SI: variants seen among roughly 807,000 people sequenced by gnomAD.
SI encodes the protein sucrase-isomaltase, intestinal.
A neutral mutation model predicts 253.3 loss-of-function variants in SI; 235 were observed. The observed-to-expected ratio is 0.93, with a 90% CI of 0.83 to 1.03. The LOEUF (loss-of-function observed/expected upper bound fraction) is 1.03, where lower values mean the gene tolerates loss of function less well. SI is among the 50% of genes least tolerant of loss of function. The probability of loss-of-function intolerance (pLI) is 0.00; values close to 1 mark genes in which losing one functional copy is unlikely to be tolerated. For missense variants in SI, 2,442 were observed against 2,211.1 expected, an observed-to-expected ratio of 1.10 and a Z score of -2.09; for synonymous variants, 819 against 712.0, an observed-to-expected ratio of 1.15 and a Z score of -2.39.
At chr3:164,998,156 T>C (rs1718101689) in intron 38 of SI, among the ~76,000 whole-genome samples, 1 of 151,848 alleles carries the variant, frequency 6.6e-6, no homozygotes, top group Non-Finnish European at 1.5e-5. Flanking sequence ...ACAGTATATA[T>C]GTCAACTTTT....
At chr3:165,051,945 G>C (rs1388701524) in intron 13 of SI, among the ~76,000 whole-genome samples, 1 of 151,820 alleles carries the variant, frequency 6.6e-6, no homozygotes, top group South Asian at 2.1e-4. Flanking sequence ...TATTTTGCCA[G>C]CTCACAATAA....
intron 4 of SI, 113 bp from the exon 5 acceptor site, chr3:165,068,944 C>A (rs1465808891): frequency 1.0e-6 from 1 of 983,922 alleles, no homozygotes; most frequent in Non-Finnish European, 1.6e-6. Context: ...AAATTTGTTA[C>A]AATCATGCAA....
chr3:165,021,569 G>T (rs1314188245), intron 26 of SI, among the ~76,000 whole-genome samples, 186 bp from the exon 27 acceptor site: 1 of 151,356 alleles, frequency 6.6e-6, no homozygotes, highest in Admixed American at 6.6e-5. Context: ...TTTATAATGG[G>T]TCCTAACTGA....
chr3:165,008,035 T>C, intron 35 of SI, 37 bp from the exon 36 acceptor site: 1 of 1,103,084 alleles, frequency 9.1e-7, no homozygotes, highest in East Asian at 2.4e-5. Flanking sequence ...AAACAAAAGA[T>C]AAATTTACAA....
chr3:164,994,280 A>C lies in SI; in HGVS notation c.4818T>G (p.Thr1606=), dbSNP rs1717910854. 1.9e-6 allele frequency: 3 copies of C among 1,610,950 alleles called. No individual in the cohort carries two copies. The highest frequency in any genetic ancestry group is 1.7e-6 in the Non-Finnish European group (2 of 1,177,918). ...QMHEIHANGG[T]VIRPLLHEFF... ...ACTCATGCAAAAGGGGTCGGATAAC[A>C]GTGCCACCATTAGCATGAATTTCAT... is the stretch of plus-strand genomic sequence containing the variant. The change falls in exon 41 of 48, where the codon ACT becomes ACG. Residue 1606 remains threonine (T), a synonymous_variant. Transcript: ENST00000264382.
At chr3:165,069,480 C>A (rs1317857035) in intron 3 of SI, among the ~76,000 whole-genome samples, 1 of 151,974 alleles carries the variant, frequency 6.6e-6, no homozygotes, top group African/African-American at 2.4e-5. Context: ...GGAACCTGAT[C>A]TCTAAGTAAT....
chr3:164,991,852 T>C (rs1717750033), intron 43 of SI, among the ~76,000 whole-genome samples: 2 of 152,122 alleles, frequency 1.3e-5, no homozygotes, highest in Non-Finnish European at 2.9e-5. Context: ...TGACTTGCCA[T>C]GTACATTATT....
At chr3:164,999,989 T>C (rs993380492) in intron 37 of SI, among the ~76,000 whole-genome samples, 6 of 151,402 alleles carry the variant, frequency 4.0e-5, no homozygotes, top group African/African-American at 1.4e-4. Flanking sequence ...TATTAATCTT[T>C]TAAATATACA....
intron 15 of SI, 31 bp downstream of exon 15, chr3:165,049,096 G>A (rs1300137688): frequency 8.8e-7 from 1 of 1,140,364 alleles, no homozygotes; most frequent in Non-Finnish European, 1.3e-6. Flanking sequence ...CAATAAATAT[G>A]AAAGAAGTCT....
intron 14 of SI, among the ~76,000 whole-genome samples, 155 bp from the exon 15 acceptor site, chr3:165,049,399 T>C (rs1342076163): frequency 6.6e-6 from 1 of 152,154 alleles, no homozygotes; most frequent in Non-Finnish European, 1.5e-5. Context: ...AAACCTAAAA[T>C]AAGTTCCAAT....
Position 165,062,482 on chromosome 3 carries a change from C to G in SI, c.909G>C (p.Glu303Asp), listed in dbSNP as rs766842476. The G allele has an allele frequency of 2.0e-6, 3 of 1,523,418 alleles. No individual in the cohort carries two copies. The African/African-American group carries it at 4.1e-5, about 21-fold the overall frequency. 94.4% of individuals were successfully genotyped at this position (1,523,418 alleles called of 1,614,324 possible). The change falls in exon 9 of 48, where the codon GAG (glutamate) becomes GAC (aspartate). Residue 303 changes from glutamate to aspartate, a missense_variant and splice_region_variant. Transcript: ENST00000264382. ...GVFLMNSNAM[E>D]IFIQPTPIVT... ...CTATTGGAGTAGGCTGGATAAAAAT[C>G]TCTGCAAAATAAAATTGGTAAACTT... is the stretch of plus-strand genomic sequence containing the variant.
intron 22 of SI, among the ~76,000 whole-genome samples, chr3:165,035,359 C>T (rs1375243540): frequency 6.6e-6 from 1 of 151,836 alleles, no homozygotes; most frequent in Non-Finnish European, 1.5e-5. Context: ...TTGAGAAAAT[C>T]ACCCAGAGAA....
intron 27 of SI, among the ~76,000 whole-genome samples, chr3:165,020,638 C>T (rs1309907294): frequency 1.3e-5 from 2 of 151,362 alleles, no homozygotes; most frequent in Non-Finnish European, 3.0e-5. Flanking sequence ...AGAAAACATC[C>T]TGATAACATC....
intron 15 of SI, among the ~76,000 whole-genome samples, chr3:165,047,294 C>T (rs1234503988): frequency 6.6e-6 from 1 of 151,980 alleles, no homozygotes; most frequent in Non-Finnish European, 1.5e-5. Context: ...TTTCCCTGAA[C>T]AAGCTCTCTC....
chr3:165,039,791 A>G (rs1313495402), intron 19 of SI, 96 bp downstream of exon 19: 1 of 872,202 alleles, frequency 1.1e-6, no homozygotes, highest in Non-Finnish European at 2.0e-6. Flanking sequence ...GAAACAGTCC[A>G]CTGAGTAACA....
intron 22 of SI, among the ~76,000 whole-genome samples, chr3:165,035,808 A>T (rs1165546456): frequency 6.6e-6 from 1 of 151,606 alleles, no homozygotes; most frequent in Non-Finnish European, 1.5e-5. Flanking sequence ...GTTAAATACA[A>T]ATAGACAAAC....
intron 12 of SI, among the ~76,000 whole-genome samples, chr3:165,057,045 A>G (rs1022755051): frequency 3.9e-5 from 6 of 152,082 alleles, no homozygotes; most frequent in African/African-American, 1.4e-4. Context: ...ACTTTCAGAC[A>G]GAAAATTCGA....
rs1719220811 is a variant in SI, at chr3:165,019,785, A to C, written c.3255-15T>G. 3.1e-6 allele frequency: 5 copies of C among 1,610,456 alleles called. No homozygotes were observed. The highest frequency in any genetic ancestry group is 4.2e-6 in the Non-Finnish European group (5 of 1,177,154). On this transcript the variant is annotated splice_polypyrimidine_tract_variant and intron_variant, in intron 27 of 47. Transcript: ENST00000264382. ...AAGAATCCCAACTGAAAACAAAAGA[A>C]AACAAAGCTATGTCTGTCAAAATAT...
chr3:164,985,688 T>C (rs115021234), intron 45 of SI, among the ~76,000 whole-genome samples: 7,328 of 152,242 alleles, frequency 0.048, 596 homozygotes, highest in African/African-American at 0.17. Context: ...ATATCAATTT[T>C]TTTGATTAAA....
Sources: gnomAD v4.1 joint callset for allele counts (sites outside exome capture counted in the v4.1 genomes callset) on GRCh38, gnomAD v4.1.1 for gene constraint, MANE v1.5 for transcripts, NCBI Gene and HGNC (gene_info 2026-07-23, HGNC 2026-07-21) for gene names.